Variants in TSPAN7 observed in about 807,000 individuals in gnomAD.
The protein encoded by TSPAN7 is tetraspanin 7.
A neutral mutation model predicts 17.6 loss-of-function variants in TSPAN7; 1 was observed. That is an observed-to-expected ratio of 0.06 (90% CI 0.02 to 0.27). TSPAN7 has a LOEUF of 0.27. Ranked by LOEUF, TSPAN7 falls within the 10% of genes least tolerant of loss-of-function variation. TSPAN7 has a pLI of 1.00. For synonymous variants in TSPAN7, 78 were observed against 79.0 expected (o/e 0.99, Z 0.07); for missense variants, 112 against 201.7 (o/e 0.56, Z 2.69).
chrX:38,649,518 G>A (rs1056894876), intron 1 of TSPAN7, among the ~76,000 whole-genome samples: 1 of 111,727 alleles, frequency 9.0e-6, no homozygotes, highest in Non-Finnish European at 1.9e-5. Context: ...GGGAGGAGCT[G>A]AGGGAAGGGC....
chrX:38,679,932 CAT>C (rs1460410845), intron 5 of TSPAN7, among the ~76,000 whole-genome samples: 1 of 110,919 alleles, frequency 9.0e-6, no homozygotes, highest in African/African-American at 3.3e-5. Flanking sequence ...GCATTGAAAA[CAT>C]GTGTCACACA....
chrX:38,658,910 A>C (rs1458660622), intron 1 of TSPAN7, among the ~76,000 whole-genome samples: 1 of 110,040 alleles, frequency 9.1e-6, no homozygotes, highest in Non-Finnish European at 1.9e-5. Flanking sequence ...AGCACTTAAG[A>C]TTATCTCACT....
At chrX:38,651,086 C>T (rs1346185340) in intron 1 of TSPAN7, among the ~76,000 whole-genome samples, 1 of 105,006 alleles carries the variant, frequency 9.5e-6, no homozygotes, top group Non-Finnish European at 1.9e-5. Flanking sequence ...TAATAACAAT[C>T]CCATGAGGGA....
At chrX:38,562,528 G>T (rs1350710607) in intron 1 of TSPAN7, among the ~76,000 whole-genome samples, 3 of 105,487 alleles carry the variant, frequency 2.8e-5, no homozygotes, top group African/African-American at 1.0e-4. Flanking sequence ...TGCACCTCGC[G>T]GAGGGATGCG....
At chrX:38,632,619 C>T (rs1395999331) in intron 1 of TSPAN7, among the ~76,000 whole-genome samples, 1 of 112,630 alleles carries the variant, frequency 8.9e-6, no homozygotes, top group Non-Finnish European at 1.9e-5. Context: ...GGTTCAATTT[C>T]ATAATTTAAT....
At chrX:38,640,641 T>C (rs1316091726) in intron 1 of TSPAN7, among the ~76,000 whole-genome samples, 1 of 112,623 alleles carries the variant, frequency 8.9e-6, no homozygotes, top group Non-Finnish European at 1.9e-5. Flanking sequence ...TTAAATCACA[T>C]ATTCTTTAAG....
intron 1 of TSPAN7, among the ~76,000 whole-genome samples, chrX:38,579,651 G>T (rs1025425842): frequency 1.6e-4 from 18 of 111,225 alleles, no homozygotes; most frequent in Admixed American, 1.5e-3. Context: ...TCAAAATAAA[G>T]AATTTTATTT....
intron 4 of TSPAN7, 145 bp from the exon 5 acceptor site, chrX:38,675,560 C>T (rs1165986838): frequency 1.6e-6 from 1 of 639,015 alleles, no homozygotes; most frequent in Non-Finnish European, 2.5e-6. Flanking sequence ...GTTATTGGAG[C>T]TTCCATTCAT....
chrX:38,638,934 C>T (rs1266394305), intron 1 of TSPAN7, among the ~76,000 whole-genome samples: 1 of 111,385 alleles, frequency 9.0e-6, no homozygotes, highest in African/African-American at 3.3e-5. Flanking sequence ...TGGGGAAAGA[C>T]GAAGTGTCTT....
At chrX:38,568,236 C>T (rs1307227158) in intron 1 of TSPAN7, among the ~76,000 whole-genome samples, 1 of 109,925 alleles carries the variant, frequency 9.1e-6, no homozygotes, top group African/African-American at 3.3e-5. Context: ...CTGGTGAATC[C>T]TGTCTCCTTT....
chrX:38,646,937 TC>T (rs1485364500), intron 1 of TSPAN7, among the ~76,000 whole-genome samples: 1 of 111,356 alleles, frequency 9.0e-6, no homozygotes, highest in Non-Finnish European at 1.9e-5. Flanking sequence ...TTCCCAGTGT[TC>T]CACTTAGGAA....
At chrX:38,632,294 A>C (rs748577170) in intron 1 of TSPAN7, among the ~76,000 whole-genome samples, 15 of 112,119 alleles carry the variant, frequency 1.3e-4, no homozygotes, top group African/African-American at 4.5e-4. Context: ...TTATTCATTT[A>C]GTTTGCATAA....
At chrX:38,593,080 C>T (rs1342480667) in intron 1 of TSPAN7, among the ~76,000 whole-genome samples, 1 of 110,580 alleles carries the variant, frequency 9.0e-6, no homozygotes, top group Non-Finnish European at 1.9e-5. Context: ...AAAGATGTTT[C>T]TCCTAGATTT....
intron 1 of TSPAN7, among the ~76,000 whole-genome samples, chrX:38,612,950 A>G (rs138836446): frequency 1.8e-5 from 2 of 111,699 alleles, no homozygotes; most frequent in Non-Finnish European, 3.8e-5. Flanking sequence ...TTCATCCACT[A>G]TGCTGGGCAT....
intron 1 of TSPAN7, among the ~76,000 whole-genome samples, chrX:38,571,124 T>C (rs772158753): frequency 1.8e-5 from 2 of 111,679 alleles, no homozygotes; most frequent in Admixed American, 1.9e-4. Flanking sequence ...AGATTTTCTT[T>C]GGTGCTTTCT....
At chrX:38,667,227 AGAT>A (rs2069789001) in intron 2 of TSPAN7, among the ~76,000 whole-genome samples, 1 of 111,901 alleles carries the variant, frequency 8.9e-6, no homozygotes, top group Non-Finnish European at 1.9e-5. Context: ...GATGCTTCCC[AGAT>A]GATAAGGGCA....
intron 1 of TSPAN7, among the ~76,000 whole-genome samples, chrX:38,617,744 ACTC>A (rs2069463891): frequency 9.0e-6 from 1 of 110,987 alleles, no homozygotes; most frequent in Non-Finnish European, 1.9e-5. Flanking sequence ...TATTTAGAAT[ACTC>A]CTTCTGCTCT....
chrX:38,611,184 A>G (rs1329650293), intron 1 of TSPAN7, among the ~76,000 whole-genome samples: 6 of 112,446 alleles, frequency 5.3e-5, no homozygotes, highest in African/African-American at 1.9e-4. Context: ...TTTCTGTTGG[A>G]GCAGCTTAGT....
At chrX:38,663,369 G>C (rs755960674) in intron 1 of TSPAN7, among the ~76,000 whole-genome samples, 5 of 112,167 alleles carry the variant, frequency 4.5e-5, no homozygotes, top group African/African-American at 1.6e-4. Context: ...AAAAAGCATA[G>C]GAATGATACA....
Sources: gnomAD v4.1 joint callset for allele counts (sites outside exome capture counted in the v4.1 genomes callset) on GRCh38, gnomAD v4.1.1 for gene constraint, MANE v1.5 for transcripts, NCBI Gene and HGNC (gene_info 2026-07-23, HGNC 2026-07-21) for gene names.